The following NPIPB8 variants were observed in gnomAD, a reference collection of about 807,000 sequenced individuals.
NPIPB8 encodes nuclear pore complex-interacting protein family member B8.
A neutral mutation model predicts 5.3 loss-of-function variants in NPIPB8; 3 were observed. That is an observed-to-expected ratio of 0.57 (90% CI 0.26 to 1.47). NPIPB8 has a LOEUF of 1.47. Ranked by LOEUF, NPIPB8 falls within the 40% of genes most tolerant of loss-of-function variation. The probability of loss-of-function intolerance (pLI) is 0.13; values close to 1 mark genes in which losing one functional copy is unlikely to be tolerated. For missense variants in NPIPB8, 50 were observed against 50.2 expected (o/e 1.00, Z 0.01); for synonymous variants, 18 against 23.0 (o/e 0.78, Z 0.62).
intron 5 of NPIPB8, among the ~76,000 whole-genome samples, 184 bp downstream of exon 5, chr16:28,652,548 G>T: frequency 1.0e-5 from 1 of 99,904 alleles, no homozygotes; most frequent in Non-Finnish European, 2.0e-5. Flanking sequence ...CTACATTCTT[G>T]TTTGTAATTT....
intron 2 of NPIPB8, among the ~76,000 whole-genome samples, chr16:28,642,367 G>A (rs1008851178): frequency 1.3e-5 from 2 of 151,946 alleles, no homozygotes; most frequent in African/African-American, 4.8e-5. Context: ...GCCTCCCAGA[G>A]TGCTGGGATT....
rs1372170242 is a variant in NPIPB8 at position 28,651,643 on chromosome 16, TGTGAGA to T, written c.304-312_304-307del. 4.7e-3 allele frequency among the ~76,000 whole-genome samples: 369 copies of T among 79,230 alleles called. 1 individual carries two copies. Among genetic ancestry groups the T allele is most frequent in the African/African-American group, 0.018 (244 of 13,432 alleles). The allele number at this position is 79,230 out of a possible 152,430, so 52.0% of individuals were successfully genotyped here. A position where few individuals can be genotyped will look rare whatever the true frequency, so the allele number is the denominator to read the frequency against. On this transcript the variant is annotated intron_variant, in intron 3 of 7. Coordinates refer to ENST00000683297, the MANE Select transcript of NPIPB8 (RefSeq NM_001310136.2). ...GTGTGTGTGTGTGTGTGTGTGTGTGTGTGAGAGACAGAGTCTCATTCTGTCGCTCAG... is the reference window on the plus strand; with the variant it reads ...GTGTGTGTGTGTGTGTGTGTGTGTGTGACAGAGTCTCATTCTGTCGCTCAG...
intron 2 of NPIPB8, among the ~76,000 whole-genome samples, chr16:28,642,980 G>A (rs556522312): frequency 1.3e-5 from 2 of 152,280 alleles, no homozygotes; most frequent in South Asian, 2.1e-4. Flanking sequence ...CTGTGTGATC[G>A]GGCGGAAGGC....
intron 2 of NPIPB8, among the ~76,000 whole-genome samples, chr16:28,639,755 A>G (rs1411199537): frequency 6.6e-6 from 1 of 150,966 alleles, no homozygotes; most frequent in Non-Finnish European, 1.5e-5. Context: ...ACCCCGTCCA[A>G]GATAAAATTA....
At chr16:28,642,690 G>T (rs569179627) in intron 2 of NPIPB8, among the ~76,000 whole-genome samples, 1 of 150,410 alleles carries the variant, frequency 6.6e-6, no homozygotes. Context: ...CACCATATTG[G>T]CCAGGCTGGT....
chr16:28,652,718 C>A (rs1388175225), intron 5 of NPIPB8, among the ~76,000 whole-genome samples: 1 of 129,480 alleles, frequency 7.7e-6, no homozygotes, highest in Non-Finnish European at 1.7e-5. Context: ...TCTCCTGTCT[C>A]AGCCTCCCAA....
intron 2 of NPIPB8, chr16:28,644,749 C>G (rs1474620894): frequency 2.9e-6 from 2 of 678,112 alleles, no homozygotes; most frequent in Non-Finnish European, 4.4e-6. Context: ...AATCCCAGCA[C>G]TTTAGGGGGC....
intron 2 of NPIPB8, among the ~76,000 whole-genome samples, chr16:28,642,365 G>A (rs2411433): frequency 6.6e-6 from 1 of 151,584 alleles, no homozygotes; most frequent in East Asian, 1.9e-4. Flanking sequence ...CAGCCTCCCA[G>A]AGTGCTGGGA....
intron 2 of NPIPB8, among the ~76,000 whole-genome samples, chr16:28,639,134 CTTT>C (rs901894600): frequency 6.9e-6 from 1 of 145,896 alleles, no homozygotes; most frequent in African/African-American, 2.5e-5. Flanking sequence ...TTCTAAACTA[CTTT>C]TTAACATGAC....
chr16:28,640,370 C>A (rs942014258), intron 2 of NPIPB8, among the ~76,000 whole-genome samples: 1 of 152,132 alleles, frequency 6.6e-6, no homozygotes, highest in Non-Finnish European at 1.5e-5. Flanking sequence ...CATCCTGCCA[C>A]GAGAATAAAG....
chr16:28,653,215 G>A (rs1212592403), intron 5 of NPIPB8, among the ~76,000 whole-genome samples: 2 of 100,524 alleles, frequency 2.0e-5, no homozygotes, highest in East Asian at 2.2e-4. Flanking sequence ...TGGGACTACA[G>A]GCATATGCCA....
intron 2 of NPIPB8, among the ~76,000 whole-genome samples, chr16:28,639,462 T>A (rs1423761873): frequency 0.012 from 1,760 of 142,364 alleles, 31 homozygotes; most frequent in East Asian, 0.016. Flanking sequence ...TATATTTTTT[T>A]TTTTTTTTTT....
At chr16:28,642,505 GAC>G (rs911652952) in intron 2 of NPIPB8, among the ~76,000 whole-genome samples, 2 of 149,858 alleles carry the variant, frequency 1.3e-5, no homozygotes, top group African/African-American at 4.9e-5. Context: ...CTGTTTTTGA[GAC>G]AGAGTCTCGC....
intron 2 of NPIPB8, among the ~76,000 whole-genome samples, chr16:28,639,615 C>T (rs2047858298): frequency 7.6e-6 from 1 of 132,012 alleles, no homozygotes; most frequent in Non-Finnish European, 1.6e-5. Context: ...ACCATCATGC[C>T]CAGCTAATTT....
At chr16:28,644,532 C>A (rs2047963706) in intron 2 of NPIPB8, 5 of 1,397,008 alleles carry the variant, frequency 3.6e-6, no homozygotes, top group East Asian at 3.3e-5. Flanking sequence ...TCCCCCCTGC[C>A]CTAAGCCACC....
chr16:28,646,242 G>A (rs1333737952), intron 2 of NPIPB8, among the ~76,000 whole-genome samples: 6 of 96,714 alleles, frequency 6.2e-5, no homozygotes, highest in Admixed American at 2.1e-4. Flanking sequence ...ACAGAGTCTC[G>A]CTCTGTCACC....
intron 2 of NPIPB8, among the ~76,000 whole-genome samples, chr16:28,640,326 A>G (rs2047873345): frequency 6.6e-6 from 1 of 152,024 alleles, no homozygotes; most frequent in South Asian, 2.1e-4. Context: ...CACATCCTCC[A>G]TGGCTCTCCT....
chr16:28,644,380 GC>G (rs1353012191), intron 2 of NPIPB8, among the ~76,000 whole-genome samples: 37 of 85,656 alleles, frequency 4.3e-4, no homozygotes, highest in Admixed American at 9.6e-4. Flanking sequence ...TCCTCCAGGT[GC>G]CCAACAGCCC....
intron 3 of NPIPB8, among the ~76,000 whole-genome samples, chr16:28,650,903 G>A (rs1478775353): frequency 1.1e-3 from 65 of 59,656 alleles, no homozygotes; most frequent in Non-Finnish European, 1.5e-3. Context: ...ATGTTAACCT[G>A]TGGTAAAATA....
Sources: gnomAD v4.1 joint callset for allele counts (sites outside exome capture counted in the v4.1 genomes callset) on GRCh38, gnomAD v4.1.1 for gene constraint, MANE v1.5 for transcripts, NCBI Gene and HGNC (gene_info 2026-07-23, HGNC 2026-07-21) for gene names.